The following IPO11 variants were observed in gnomAD, a reference collection of about 807,000 sequenced individuals.
The protein encoded by IPO11 is importin-11.
In IPO11, 66 loss-of-function variants were observed where a neutral mutation model predicts 143.2. The observed-to-expected ratio is 0.46, with a 90% CI of 0.38 to 0.57. The LOEUF is 0.57. Ranked by LOEUF, IPO11 falls within the 20% of genes least tolerant of loss-of-function variation. The pLI is 0.00. For missense variants in IPO11, 1,026 were observed against 1,141.0 expected (o/e 0.90, Z 1.45); for synonymous variants, 385 against 377.8 (o/e 1.02, Z -0.22).
chr5:62,546,980 G>C (rs191274097), intron 24 of IPO11, among the ~76,000 whole-genome samples: 130 of 152,140 alleles, frequency 8.5e-4, no homozygotes, highest in African/African-American at 2.9e-3. Flanking sequence ...TTAGAGTTTG[G>C]AACCATGTAG....
At chr5:62,587,108 A>G (rs1744823751) in intron 27 of IPO11, among the ~76,000 whole-genome samples, 1 of 151,838 alleles carries the variant, frequency 6.6e-6, no homozygotes, top group Non-Finnish European at 1.5e-5. Flanking sequence ...TTCTCATGCC[A>G]TGACATATAG....
In IPO11 at chr5:62,627,938, ATTTTTTTCTT is replaced by A. The variant is rs1267391586; in HGVS notation, c.*629_*638del. On this transcript the variant is annotated 3_prime_UTR_variant, in exon 30 of 30. Transcript: ENST00000325324. ...ATTTGATACAGAAATTAGTAAAGGCATTTTTTTCTTTTTTTTTCCAGTAAATACATTGGGT... is the reference window on the plus strand; with the variant it reads ...ATTTGATACAGAAATTAGTAAAGGCATTTTTTTCCAGTAAATACATTGGGT... The A allele has an allele frequency of 5.3e-5, 8 of 152,012 alleles. No individual in the cohort carries two copies. Among genetic ancestry groups the A allele is most frequent in the African/African-American group, 1.2e-4 (5 of 41,354 alleles). The allele number at this position is 152,012 out of a possible 1,614,324, so 9.4% of individuals were successfully genotyped here. A position where few individuals can be genotyped will look rare whatever the true frequency, so the allele number is the denominator to read the frequency against.
In IPO11 at chr5:62,561,323, A is replaced by G. The variant is rs1743764514; in HGVS notation, c.2582+66A>G. 1.2e-4 allele frequency: 72 copies of G among 622,468 alleles called. 19 individuals carry two copies. The highest frequency in any genetic ancestry group is 1.5e-4 in the Non-Finnish European group (65 of 440,102). 38.6% of individuals were successfully genotyped at this position (622,468 alleles called of 1,614,324 possible). A position where few individuals can be genotyped will look rare whatever the true frequency, so the allele number is the denominator to read the frequency against. On this transcript the variant is annotated intron_variant, in intron 27 of 29. Transcript: ENST00000325324. ...CAAAATGTAAACACTATTTTTGGCC[A>G]TCAGTATTGCTGTGTGTTGCTGGGC...
intron 26 of IPO11, among the ~76,000 whole-genome samples, chr5:62,555,521 T>TA (rs70981025): frequency 6.8e-6 from 1 of 147,218 alleles, no homozygotes; most frequent in Non-Finnish European, 1.5e-5. Flanking sequence ...TTTATTTATT[T>TA]GAGACAGAGT....
At chr5:62,522,291 T>TTTTTTTTTGTTG (rs1742227556) in intron 20 of IPO11, among the ~76,000 whole-genome samples, 1 of 150,520 alleles carries the variant, frequency 6.6e-6, no homozygotes, top group African/African-American at 2.4e-5. Context: ...GTGGTGGGTT[T>TTTTTTTTTGTTG]TTTTTTTTTT....
At position 62,554,147 on chromosome 5, in the gene IPO11, T is replaced by G. The variant is rs1239283995; in HGVS notation, c.2460+2811T>G. ...GATTATTATTTTTATTTAGCTGTTG[T>G]TTGAGTTTCTTGTGTATTTCGGATA... On this transcript the variant is annotated intron_variant, in intron 26 of 29. Coordinates refer to ENST00000325324, the MANE Select transcript of IPO11 (RefSeq NM_016338.5). Among the ~76,000 whole-genome samples the G allele has an allele frequency of 2.0e-5, 3 of 152,252 alleles. No individual in the cohort carries two copies. In the East Asian group the frequency reaches 5.8e-4, roughly 29 times the overall value.
At chr5:62,420,526 A>G (rs1743475317) in intron 1 of IPO11, among the ~76,000 whole-genome samples, 1 of 152,058 alleles carries the variant, frequency 6.6e-6, no homozygotes, top group Non-Finnish European at 1.5e-5. Flanking sequence ...TTAAAGCTCC[A>G]TTAAAATCTT....
chr5:62,522,726 T>C (rs1742244541), intron 20 of IPO11, among the ~76,000 whole-genome samples: 1 of 152,230 alleles, frequency 6.6e-6, no homozygotes, highest in Admixed American at 6.5e-5. Context: ...TCCTGTTTTA[T>C]GTCATATCCC....
At chr5:62,487,923 C>CT in intron 13 of IPO11, 62 bp downstream of exon 13, 1 of 1,397,532 alleles carries the variant, frequency 7.2e-7, no homozygotes, top group South Asian at 1.2e-5. Flanking sequence ...AAGAAATAGT[C>CT]TGAGTGCCTA....
chr5:62,559,430 A>C (rs1171222438), intron 26 of IPO11, among the ~76,000 whole-genome samples: 1 of 152,074 alleles, frequency 6.6e-6, no homozygotes. Context: ...TCCTCAGTAG[A>C]ATTTCTGTCA....
chr5:62,526,051 G>T, intron 20 of IPO11, 91 bp from the exon 21 acceptor site: 1 of 758,590 alleles, frequency 1.3e-6, no homozygotes, highest in East Asian at 2.7e-5. Context: ...TTTTTAATTG[G>T]TTTTAGGGCT....
intron 1 of IPO11, among the ~76,000 whole-genome samples, chr5:62,420,000 A>G (rs1256379223): frequency 6.6e-6 from 1 of 152,042 alleles, no homozygotes; most frequent in Non-Finnish European, 1.5e-5. Flanking sequence ...GTAACTCTTA[A>G]AAAAAGTAGG....
chr5:62,458,553 G>A (rs952513014), intron 5 of IPO11, among the ~76,000 whole-genome samples: 2 of 152,090 alleles, frequency 1.3e-5, no homozygotes, highest in Admixed American at 6.6e-5. Flanking sequence ...TGCCCGCCTT[G>A]ACCTCCCGAA....
chr5:62,465,092 G>A (rs1446417391), intron 5 of IPO11, among the ~76,000 whole-genome samples: 2 of 152,060 alleles, frequency 1.3e-5, no homozygotes, highest in African/African-American at 4.8e-5. Flanking sequence ...TCATTTTTGG[G>A]GAGTTGAAAT....
chr5:62,594,801 AGGGACCAAT>A (rs1745155610), intron 28 of IPO11, among the ~76,000 whole-genome samples: 1 of 152,222 alleles, frequency 6.6e-6, no homozygotes, highest in African/African-American at 2.4e-5. Flanking sequence ...AAGGGGAGAC[AGGGACCAAT>A]GGAGCAATAC....
At chr5:62,510,176 G>A (rs1048951137) in intron 19 of IPO11, among the ~76,000 whole-genome samples, 1 of 152,042 alleles carries the variant, frequency 6.6e-6, no homozygotes, top group Admixed American at 6.6e-5. Context: ...AGTTCTATGT[G>A]ATTTTTAAAA....
At chr5:62,580,615 G>GGCAGA (rs774033359) in intron 27 of IPO11, 1 of 1,551,286 alleles carries the variant, frequency 6.4e-7, no homozygotes, top group Non-Finnish European at 8.7e-7. Context: ...ATCCATGCGT[G>GGCAGA]GCAGAGCATT....
chr5:62,469,885 A>G (rs1371547187), intron 6 of IPO11, among the ~76,000 whole-genome samples: 1 of 152,178 alleles, frequency 6.6e-6, no homozygotes, highest in African/African-American at 2.4e-5. Flanking sequence ...CGAAAACTGA[A>G]TGAAGGTTTT....
intron 22 of IPO11, among the ~76,000 whole-genome samples, chr5:62,531,929 C>T (rs890548539): frequency 1.3e-4 from 20 of 152,110 alleles, no homozygotes; most frequent in African/African-American, 4.6e-4. Context: ...AGGTGTTGAT[C>T]TACTAGAAAA....
Sources: allele counts gnomAD v4.1 joint callset (sites outside exome capture counted in the v4.1 genomes callset), GRCh38; gene constraint gnomAD v4.1.1; transcripts MANE v1.5; gene names NCBI Gene and HGNC (gene_info 2026-07-23, HGNC 2026-07-21).